Variants in CLASP2 observed in about 807,000 individuals in gnomAD.
CLASP2 encodes the protein cytoplasmic linker associated protein 2, also known as CLIP-associating protein 2.
CLASP2 carries 47 observed loss-of-function variants against 194.4 expected under a neutral mutation model. That is an observed-to-expected ratio of 0.24 (90% CI 0.19 to 0.31). The LOEUF is 0.31. Among genes scored for constraint, CLASP2 ranks in the 10% least tolerant of loss-of-function variants. The probability of loss-of-function intolerance (pLI) is 1.00; values close to 1 mark genes in which losing one functional copy is unlikely to be tolerated. For missense variants in CLASP2, 1,445 were observed against 1,823.6 expected, an observed-to-expected ratio of 0.79 and a Z score of 3.78; for synonymous variants, 619 against 633.5, an observed-to-expected ratio of 0.98 and a Z score of 0.34.
At position 33,498,687 on chromosome 3, in the gene CLASP2, C is replaced by T; in HGVS notation, c.4465G>A (p.Ala1489Thr). The change falls in exon 39 of 39, where the codon GCA becomes ACA. Residue 1489 changes from alanine (A) to threonine (T), a missense_variant. By Grantham distance (58) the Ala-to-Thr change is moderately conservative. Coordinates refer to ENST00000682230, the MANE Select transcript of CLASP2 (RefSeq NM_001365631.1). ...MKLLNLYIKR[A>T]QTGSGGADPT... ...TCAGCTCCTCCAGAACCTGTTTGTG[C>T]ACGTTTGATGTAAAGATTCAGTAGC... is the stretch of plus-strand genomic sequence containing the variant. The T allele has an allele frequency of 6.2e-7, 1 of 1,613,206 alleles. No homozygotes were observed.
At chr3:33,714,867 G>T (rs140309665) in intron 1 of CLASP2, among the ~76,000 whole-genome samples, 4 of 151,904 alleles carry the variant, frequency 2.6e-5, no homozygotes, top group Non-Finnish European at 4.4e-5. Flanking sequence ...AAGCCACCAC[G>T]CCCAGTTACC....
chr3:33,536,701 A>T (rs1478666094), intron 33 of CLASP2, among the ~76,000 whole-genome samples: 1 of 152,208 alleles, frequency 6.6e-6, no homozygotes, highest in Non-Finnish European at 1.5e-5. Flanking sequence ...AAGGAGGCCA[A>T]ATTTTAATAA....
intron 18 of CLASP2, among the ~76,000 whole-genome samples, chr3:33,598,686 G>C (rs556526461): frequency 1.3e-5 from 2 of 152,086 alleles, no homozygotes; most frequent in Non-Finnish European, 2.9e-5. Flanking sequence ...ACCGTCAGGC[G>C]TAACAATAAT....
At chr3:33,558,825 T>C (rs533081807) in intron 29 of CLASP2, 3 of 155,788 alleles carry the variant, frequency 1.9e-5, no homozygotes, top group African/African-American at 7.3e-5. Flanking sequence ...TTAAAATGCC[T>C]GACACTTAAA....
At position 33,571,293 on chromosome 3, in the gene CLASP2, G is replaced by A. The variant is rs187886951; in HGVS notation, c.2700-503C>T. On this transcript the variant is annotated intron_variant, in intron 25 of 38. Transcript: ENST00000682230. ...CTCCCAAAGTGCTGGGATTACAGGC[G>A]TGACCCACCGCGCCCGGCCTGTCTC... 2.2e-3 allele frequency among the ~76,000 whole-genome samples: 326 copies of A among 149,504 alleles called. 6 individuals carry two copies. The highest frequency in any genetic ancestry group is 8.0e-3 in the East Asian group (36 of 4,518).
At chr3:33,670,525 TAAAC>T (rs2083529486) in intron 6 of CLASP2, among the ~76,000 whole-genome samples, 1 of 152,128 alleles carries the variant, frequency 6.6e-6, no homozygotes, top group African/African-American at 2.4e-5. Context: ...AGTAAAAAGT[TAAAC>T]AAACTACAAA....
chr3:33,596,580 CACATTA>C lies in CLASP2; in HGVS notation c.1948+125_1948+130del, dbSNP rs781004134. 41 of 756,540 alleles carry C rather than the reference CACATTA, an allele frequency of 5.4e-5. 1 individual carries two copies. The highest frequency in any genetic ancestry group is 4.0e-4 in the South Asian group (22 of 55,662). 46.9% of individuals were successfully genotyped at this position (756,540 alleles called of 1,614,324 possible). A position where few individuals can be genotyped will look rare whatever the true frequency, so the allele number is the denominator to read the frequency against. On this transcript the variant is annotated intron_variant, in intron 19 of 38. Transcript: ENST00000682230. ...ATTCAGAGAATTATGTAGCCATTTTCACATTAACATTATCACTAAATAAGTATTAAT... is the reference window on the plus strand; with the variant it reads ...ATTCAGAGAATTATGTAGCCATTTTCACATTATCACTAAATAAGTATTAAT...
At chr3:33,604,320 CTTTTTTTTTTTTTT>C in intron 16 of CLASP2, 111 bp from the exon 17 acceptor site, 1 of 572,334 alleles carries the variant, frequency 1.7e-6, no homozygotes, top group Admixed American at 3.1e-5. Context: ...TTTCTTTTTT[CTTTTTTTTTTTTTT>C]TGAGACAGAG....
At chr3:33,717,745 C>G (rs2093364334) in intron 1 of CLASP2, 63 bp downstream of exon 1, 4 of 1,511,374 alleles carry the variant, frequency 2.6e-6, no homozygotes, top group South Asian at 1.2e-5. Context: ...CCGGCGCTCG[C>G]GTCCGGGATT....
chr3:33,706,280 TGA>T (rs1469926346), intron 1 of CLASP2, among the ~76,000 whole-genome samples: 1 of 151,724 alleles, frequency 6.6e-6, no homozygotes, highest in Non-Finnish European at 1.5e-5. Context: ...AAAGACACAA[TGA>T]TGGAAAATAA....
At chr3:33,579,297 C>T (rs1468290328) in intron 23 of CLASP2, among the ~76,000 whole-genome samples, 1 of 152,082 alleles carries the variant, frequency 6.6e-6, no homozygotes, top group Non-Finnish European at 1.5e-5. Flanking sequence ...TTGAGATGAA[C>T]TAGAATATTA....
chr3:33,639,997 A>G (rs1162827675), intron 8 of CLASP2, among the ~76,000 whole-genome samples: 1 of 152,184 alleles, frequency 6.6e-6, no homozygotes, highest in Non-Finnish European at 1.5e-5. Flanking sequence ...CTGAGGCTCA[A>G]TCTCTTTTCC....
At chr3:33,550,166 G>A (rs2059774741) in intron 30 of CLASP2, among the ~76,000 whole-genome samples, 1 of 152,122 alleles carries the variant, frequency 6.6e-6, no homozygotes, top group Admixed American at 6.5e-5. Context: ...CATTTTGGGA[G>A]GCTAAGGTGG....
rs2046978962 is a variant in CLASP2, at chr3:33,502,079, C to T, written c.4318-311G>A. The T allele has an allele frequency of 1.3e-5, 3 of 226,490 alleles. No individual in the cohort carries two copies. The South Asian group carries it at 3.1e-4, about 24-fold the overall frequency. 14.0% of individuals were successfully genotyped at this position (226,490 alleles called of 1,614,324 possible). A position where few individuals can be genotyped will look rare whatever the true frequency, so the allele number is the denominator to read the frequency against. On this transcript the variant is annotated intron_variant, in intron 37 of 38. Transcript: ENST00000682230. ...TGAAAAAAGTCTCCAGACTAACTTT[C>T]CTAAAGCATTAGGTTTTAAGGCAGT...
At chr3:33,516,327 T>C (rs1403038146) in intron 35 of CLASP2, among the ~76,000 whole-genome samples, 176 bp from the exon 36 acceptor site, 1 of 152,222 alleles carries the variant, frequency 6.6e-6, no homozygotes, top group East Asian at 1.9e-4. Flanking sequence ...ATTTATATTA[T>C]ACTTATTTTA....
At chr3:33,552,452 G>C (rs2060184427) in intron 29 of CLASP2, among the ~76,000 whole-genome samples, 1 of 152,156 alleles carries the variant, frequency 6.6e-6, no homozygotes, top group South Asian at 2.1e-4. Flanking sequence ...TAGGTGCATG[G>C]AAGGCAGATG....
At chr3:33,518,583 C>T (rs1342836273) in intron 34 of CLASP2, among the ~76,000 whole-genome samples, 1 of 152,162 alleles carries the variant, frequency 6.6e-6, no homozygotes, top group African/African-American at 2.4e-5. Flanking sequence ...GAATGTGTCT[C>T]TATAAACCCC....
At chr3:33,657,601 A>T (rs1192560199) in intron 7 of CLASP2, among the ~76,000 whole-genome samples, 27 of 150,632 alleles carry the variant, frequency 1.8e-4, no homozygotes, top group South Asian at 4.2e-4. Flanking sequence ...TTTTTTTTTT[A>T]AAAAGGAAGA....
chr3:33,694,141 TA>T (rs2091633638), intron 2 of CLASP2, among the ~76,000 whole-genome samples: 1 of 152,120 alleles, frequency 6.6e-6, no homozygotes, highest in East Asian at 1.9e-4. Context: ...CAAGTTCAGC[TA>T]GGCCTAGAAA....
Sources: gnomAD v4.1 joint callset for allele counts (sites outside exome capture counted in the v4.1 genomes callset) on GRCh38, gnomAD v4.1.1 for gene constraint, MANE v1.5 for transcripts, NCBI Gene and HGNC (gene_info 2026-07-23, HGNC 2026-07-21) for gene names.